Variants in THSD7B observed in about 807,000 individuals in gnomAD.
THSD7B encodes thrombospondin type 1 domain containing 7B.
Under a neutral mutation model 213.6 loss-of-function variants are expected in THSD7B, and 138 were observed. The ratio of observed to expected loss-of-function variants is 0.65; its 90% CI spans 0.56 to 0.74. The LOEUF (loss-of-function observed/expected upper bound fraction) is 0.74, where lower values mean the gene tolerates loss of function less well. Among genes scored for constraint, THSD7B ranks in the 30% least tolerant of loss-of-function variants. The pLI, the probability that THSD7B is intolerant of heterozygous loss-of-function variation, is 0.00. For missense variants in THSD7B, 1,931 were observed against 1,991.5 expected (o/e 0.97, Z 0.58); for synonymous variants, 742 against 687.0 (o/e 1.08, Z -1.25).
intron 15 of THSD7B, among the ~76,000 whole-genome samples, chr2:137,487,512 A>T (rs1455728077): frequency 6.6e-6 from 1 of 151,562 alleles, no homozygotes; most frequent in African/African-American, 2.4e-5. Context: ...CAAAAATTTA[A>T]TGAATCCAGG....
At chr2:137,440,903 A>G (rs192685693) in intron 14 of THSD7B, among the ~76,000 whole-genome samples, 2 of 152,228 alleles carry the variant, frequency 1.3e-5, no homozygotes, top group Admixed American at 1.3e-4. Flanking sequence ...CATGAGACAC[A>G]TAGAGAAATC....
intron 3 of THSD7B, among the ~76,000 whole-genome samples, chr2:137,072,533 A>G (rs539338610): frequency 4.6e-5 from 7 of 152,256 alleles, no homozygotes; most frequent in Admixed American, 2.0e-4. Flanking sequence ...TAGATATACA[A>G]TCATGTCATC....
intron 12 of THSD7B, among the ~76,000 whole-genome samples, chr2:137,404,445 A>G (rs1480433237): frequency 1.6e-5 from 1 of 62,616 alleles, no homozygotes; most frequent in African/African-American, 5.5e-5. Flanking sequence ...ATATATATAT[A>G]TATATATATA....
At chr2:137,413,997 G>A (rs531776806) in intron 14 of THSD7B, among the ~76,000 whole-genome samples, 23 of 152,186 alleles carry the variant, frequency 1.5e-4, no homozygotes, top group East Asian at 7.7e-4. Flanking sequence ...AATGCAAGTC[G>A]TCTTTTCTAT....
chr2:137,459,401 T>A (rs962379852), intron 15 of THSD7B, among the ~76,000 whole-genome samples: 7 of 152,192 alleles, frequency 4.6e-5, no homozygotes, highest in Non-Finnish European at 8.8e-5. Context: ...GTGTGGTGGC[T>A]CAAGCCTGTA....
intron 15 of THSD7B, among the ~76,000 whole-genome samples, chr2:137,536,508 G>A (rs1301389799): frequency 6.6e-6 from 1 of 151,648 alleles, no homozygotes; most frequent in Non-Finnish European, 1.5e-5. Flanking sequence ...TGTAGAAATA[G>A]CCAGAAGCAG....
intron 12 of THSD7B, among the ~76,000 whole-genome samples, chr2:137,357,519 C>A (rs1685159414): frequency 6.6e-6 from 1 of 152,086 alleles, no homozygotes; most frequent in Non-Finnish European, 1.5e-5. Flanking sequence ...AAATGTTGGA[C>A]CCCCGATGCC....
chr2:137,447,625 C>T (rs564095318), intron 14 of THSD7B, among the ~76,000 whole-genome samples: 3 of 152,018 alleles, frequency 2.0e-5, no homozygotes, highest in African/African-American at 7.2e-5. Context: ...TAGTCTTTTA[C>T]GAGTGTCTAT....
In THSD7B at chr2:137,412,739, T is replaced by C. The variant is rs948949635; in HGVS notation, c.2959+867T>C. On this transcript the variant is annotated intron_variant, in intron 14 of 27. Transcript: ENST00000409968. The stretch of plus-strand genomic sequence containing the variant: ...GTCAGATGTTAATCTGGGAAAATAC[T>C]GTTTTTGAACCTTAATTGGGAGAAT... 4.1e-4 allele frequency among the ~76,000 whole-genome samples: 62 copies of C among 151,930 alleles called. 1 individual carries two copies. Among genetic ancestry groups the C allele is most frequent in the Middle Eastern group, 6.8e-3 (2 of 294 alleles).
intron 5 of THSD7B, among the ~76,000 whole-genome samples, chr2:137,123,021 C>G (rs1208701447): frequency 1.3e-5 from 2 of 152,186 alleles, no homozygotes; most frequent in Non-Finnish European, 2.9e-5. Flanking sequence ...GCACTGGGCA[C>G]AGTATCTGGC....
intron 12 of THSD7B, among the ~76,000 whole-genome samples, chr2:137,391,112 T>C (rs1209988687): frequency 1.3e-5 from 2 of 152,178 alleles, no homozygotes; most frequent in Non-Finnish European, 2.9e-5. Flanking sequence ...GTTGAGAGAC[T>C]TTATATTACT....
intron 15 of THSD7B, among the ~76,000 whole-genome samples, chr2:137,468,965 G>A (rs1159409649): frequency 6.6e-6 from 1 of 152,128 alleles, no homozygotes; most frequent in African/African-American, 2.4e-5. Flanking sequence ...CTAATTCTGT[G>A]TATTTGTCAA....
At chr2:137,169,290 T>TG (rs1416757886) in intron 6 of THSD7B, among the ~76,000 whole-genome samples, 1 of 151,504 alleles carries the variant, frequency 6.6e-6, no homozygotes, top group African/African-American at 2.4e-5. Flanking sequence ...TTTGAGGTTT[T>TG]TTTTTTTTTT....
chr2:137,295,622 C>T (rs975883022), intron 12 of THSD7B, among the ~76,000 whole-genome samples: 4 of 151,902 alleles, frequency 2.6e-5, no homozygotes, highest in Non-Finnish European at 4.4e-5. Flanking sequence ...ATTACAGGCA[C>T]GTGCCACCAT....
At chr2:136,912,761 TAAG>T (rs972029811) in intron 2 of THSD7B, among the ~76,000 whole-genome samples, 3 of 152,176 alleles carry the variant, frequency 2.0e-5, no homozygotes, top group African/African-American at 7.2e-5. Context: ...TGCTGCCATG[TAAG>T]AAGTACCTTT....
chr2:136,798,590 C>T (rs2104919882), intron 1 of THSD7B, among the ~76,000 whole-genome samples: 1 of 152,070 alleles, frequency 6.6e-6, no homozygotes, highest in South Asian at 2.1e-4. Context: ...TAGTTAACGA[C>T]TCCCTCCAGA....
intron 2 of THSD7B, among the ~76,000 whole-genome samples, chr2:136,980,607 A>T (rs1685558797): frequency 6.6e-6 from 1 of 152,178 alleles, no homozygotes; most frequent in Admixed American, 6.5e-5. Context: ...CGACAGGGGA[A>T]AATGGCTGAA....
chr2:137,204,288 CA>C (rs5834538), intron 7 of THSD7B, among the ~76,000 whole-genome samples: 90,303 of 151,876 alleles, frequency 0.59, 27,224 homozygotes, highest in South Asian at 0.71. Context: ...AGTAAAGGGA[CA>C]AAAAGAGCAA....
intron 12 of THSD7B, among the ~76,000 whole-genome samples, chr2:137,281,515 G>A (rs931326124): frequency 7.9e-5 from 12 of 151,788 alleles, no homozygotes; most frequent in Non-Finnish European, 1.3e-4. Flanking sequence ...CCACTAACTC[G>A]TCATCTAGCA....
Sources: allele counts gnomAD v4.1 joint callset (sites outside exome capture counted in the v4.1 genomes callset), GRCh38; gene constraint gnomAD v4.1.1; transcripts MANE v1.5; gene names NCBI Gene and HGNC (gene_info 2026-07-23, HGNC 2026-07-21).